The following PAPPA2 variants were observed in gnomAD, a reference collection of about 807,000 sequenced individuals.
PAPPA2 encodes pappalysin 2.
PAPPA2 carries 86 observed loss-of-function variants against 176.4 expected under a neutral mutation model. The observed-to-expected ratio is 0.49, with a 90% CI of 0.41 to 0.58. The LOEUF is 0.58. Among genes scored for constraint, PAPPA2 ranks in the 20% least tolerant of loss-of-function variants. PAPPA2 has a pLI of 0.00. For synonymous variants in PAPPA2, 809 were observed against 852.2 expected, an observed-to-expected ratio of 0.95 and a Z score of 0.88; for missense variants, 2,073 against 2,256.9, an observed-to-expected ratio of 0.92 and a Z score of 1.65.
At chr1:176,788,681 G>T (rs537428032) in intron 17 of PAPPA2, among the ~76,000 whole-genome samples, 1 of 152,130 alleles carries the variant, frequency 6.6e-6, no homozygotes, top group Non-Finnish European at 1.5e-5. Context: ...CACATCAAAT[G>T]CTGTCACTCT....
chr1:176,795,327 A>T (rs932403922), intron 20 of PAPPA2, among the ~76,000 whole-genome samples: 3 of 152,190 alleles, frequency 2.0e-5, no homozygotes, highest in African/African-American at 7.2e-5. Flanking sequence ...GATTCATTTC[A>T]TCTTTTACTC....
At chr1:176,663,754 G>T (rs1195226711) in intron 3 of PAPPA2, among the ~76,000 whole-genome samples, 4 of 152,224 alleles carry the variant, frequency 2.6e-5, no homozygotes, top group Admixed American at 2.0e-4. Context: ...TAGAAACTAA[G>T]TTCTTCTGGT....
At chr1:176,652,605 A>G (rs1657792504) in intron 3 of PAPPA2, among the ~76,000 whole-genome samples, 1 of 151,686 alleles carries the variant, frequency 6.6e-6, no homozygotes, top group African/African-American at 2.4e-5. Flanking sequence ...GCTAAGGTAC[A>G]AAGCAGAGTT....
intron 18 of PAPPA2, among the ~76,000 whole-genome samples, chr1:176,790,369 G>A (rs1342447730): frequency 6.6e-6 from 1 of 152,184 alleles, no homozygotes; most frequent in Admixed American, 6.5e-5. Context: ...AAAGCTGGAA[G>A]TGCTGTTTGA....
intron 21 of PAPPA2, among the ~76,000 whole-genome samples, chr1:176,814,114 A>G (rs1396456987): frequency 6.6e-6 from 1 of 152,006 alleles, no homozygotes; most frequent in Non-Finnish European, 1.5e-5. Flanking sequence ...CTTATTTCTG[A>G]GTTCTCTATT....
intron 20 of PAPPA2, among the ~76,000 whole-genome samples, chr1:176,795,352 G>A (rs556440581): frequency 7.2e-5 from 11 of 152,232 alleles, no homozygotes; most frequent in Admixed American, 1.3e-4. Context: ...GGAGGTGGCT[G>A]CAGGAAATCA....
At chr1:176,630,735 T>G (rs770657014) in intron 3 of PAPPA2, among the ~76,000 whole-genome samples, 2 of 152,190 alleles carry the variant, frequency 1.3e-5, no homozygotes, top group Non-Finnish European at 2.9e-5. Flanking sequence ...AGGTGACACA[T>G]GTATTCATGG....
At chr1:176,816,466 G>A (rs2102968702) in intron 21 of PAPPA2, among the ~76,000 whole-genome samples, 1 of 151,202 alleles carries the variant, frequency 6.6e-6, no homozygotes, top group South Asian at 2.1e-4. Context: ...TGAGCTTTCT[G>A]TTGGTTCTAG....
chr1:176,790,883 G>A (rs1665146565), intron 18 of PAPPA2, among the ~76,000 whole-genome samples: 1 of 152,156 alleles, frequency 6.6e-6, no homozygotes, highest in Admixed American at 6.5e-5. Flanking sequence ...GTCCATTTAA[G>A]CAGACAGGCA....
intron 1 of PAPPA2, among the ~76,000 whole-genome samples, chr1:176,507,687 A>G (rs893883444): frequency 3.9e-5 from 6 of 152,192 alleles, no homozygotes; most frequent in Non-Finnish European, 8.8e-5. Flanking sequence ...GCAGGAATAG[A>G]AAGCTAAATA....
chr1:176,564,329 T>A (rs908906991), intron 2 of PAPPA2, among the ~76,000 whole-genome samples: 1 of 152,214 alleles, frequency 6.6e-6, no homozygotes, highest in Admixed American at 6.5e-5. Context: ...GGACAGATAG[T>A]AGATAGTTTA....
chr1:176,671,847 T>G (rs1394552839), intron 4 of PAPPA2, among the ~76,000 whole-genome samples: 2 of 133,170 alleles, frequency 1.5e-5, no homozygotes, highest in Non-Finnish European at 3.1e-5. Context: ...CACTCATAGG[T>G]GGGAATTGAA....
At chr1:176,623,754 C>CCTTCCTTCCTTCCTTT (rs1655818323) in intron 3 of PAPPA2, among the ~76,000 whole-genome samples, 1 of 40,976 alleles carries the variant, frequency 2.4e-5, no homozygotes, top group Non-Finnish European at 4.8e-5. Flanking sequence ...CTCTTTCCTT[C>CCTTCCTTCCTTCCTTT]CTTCCTTTCT....
intron 3 of PAPPA2, among the ~76,000 whole-genome samples, chr1:176,641,129 A>G (rs1416268694): frequency 3.3e-5 from 5 of 150,436 alleles, no homozygotes; most frequent in Admixed American, 1.3e-4. Context: ...ATTTTCTCCC[A>G]TTTTGTAGGT....
intron 21 of PAPPA2, among the ~76,000 whole-genome samples, chr1:176,826,776 A>G (rs1183897861): frequency 6.6e-6 from 1 of 152,236 alleles, no homozygotes; most frequent in East Asian, 1.9e-4. Flanking sequence ...ATTGTGGAAA[A>G]AGTCTGCAGA....
chr1:176,676,926 C>G (rs1659328914), intron 4 of PAPPA2, among the ~76,000 whole-genome samples: 1 of 152,054 alleles, frequency 6.6e-6, no homozygotes, highest in Non-Finnish European at 1.5e-5. Flanking sequence ...TCATGAATCA[C>G]TGACTTATAA....
At chr1:176,474,719 C>A (rs1652036525) in intron 1 of PAPPA2, among the ~76,000 whole-genome samples, 1 of 152,182 alleles carries the variant, frequency 6.6e-6, no homozygotes, top group African/African-American at 2.4e-5. Flanking sequence ...CTAAAATTGT[C>A]AACTCTTTAA....
chr1:176,613,617 A>C (rs1051321792), intron 3 of PAPPA2, among the ~76,000 whole-genome samples: 1 of 152,202 alleles, frequency 6.6e-6, no homozygotes, highest in Non-Finnish European at 1.5e-5. Context: ...CAGAAGGAGA[A>C]GTTTGAAATC....
At chr1:176,824,748 G>T (rs1666792857) in intron 21 of PAPPA2, among the ~76,000 whole-genome samples, 1 of 152,132 alleles carries the variant, frequency 6.6e-6, no homozygotes, top group Non-Finnish European at 1.5e-5. Flanking sequence ...TTCCCCATCA[G>T]TGGAATATGG....
Sources: allele counts gnomAD v4.1 joint callset (sites outside exome capture counted in the v4.1 genomes callset), GRCh38; gene constraint gnomAD v4.1.1; transcripts MANE v1.5; gene names NCBI Gene and HGNC (gene_info 2026-07-23, HGNC 2026-07-21).